The following SPATA9 variants were observed in gnomAD, a reference collection of about 807,000 sequenced individuals.
SPATA9 encodes the protein spermatogenesis associated 9.
SPATA9 carries 27 observed loss-of-function variants against 25.5 expected under a neutral mutation model. The ratio of observed to expected loss-of-function variants is 1.06; its 90% CI spans 0.78 to 1.46. The LOEUF is 1.46. Ranked by LOEUF, SPATA9 falls within the 40% of genes most tolerant of loss-of-function variation. The probability of loss-of-function intolerance (pLI) is 0.00; values close to 1 mark genes in which losing one functional copy is unlikely to be tolerated. For synonymous variants in SPATA9, 102 were observed against 105.7 expected (o/e 0.97, Z 0.21); for missense variants, 282 against 297.5 (o/e 0.95, Z 0.38).
At position 95,696,992 on chromosome 5, in the gene SPATA9, C is replaced by T. The variant is rs186617522; in HGVS notation, n.124+1596G>A. Among the ~76,000 whole-genome samples the T allele has an allele frequency of 3.9e-5, 6 of 152,326 alleles. No individual in the cohort carries two copies. In the East Asian group the frequency reaches 9.6e-4, roughly 24 times the overall value. The stretch of plus-strand genomic sequence containing the variant: ...CTCCACTTTGGCTCATTTACTAATG[C>T]ATAATTTTATAACATCATGCATTGA... On this transcript the variant is annotated intron_variant and non_coding_transcript_variant, in intron 1 of 2. Transcript: ENST00000379990.
At chr5:95,707,379 A>C in the SPATA9 span, among the ~76,000 whole-genome samples, 1 of 152,186 alleles carries the variant, frequency 6.6e-6, no homozygotes, top group African/African-American at 2.4e-5. Context: ...ACTGAGACGA[A>C]TTAAGAGTCC....
At chr5:95,708,702 T>A in the SPATA9 span, 1 of 692,168 alleles carries the variant, frequency 1.4e-6, no homozygotes, top group Admixed American at 2.0e-5. Context: ...TGACACTTTC[T>A]GCTCCTATGA....
chr5:95,704,780 T>G, the SPATA9 span, among the ~76,000 whole-genome samples: 1 of 152,152 alleles, frequency 6.6e-6, no homozygotes, highest in African/African-American at 2.4e-5. Context: ...CACTGACATT[T>G]TTTGAGGATC....
the SPATA9 span, among the ~76,000 whole-genome samples, chr5:95,723,138 G>C: frequency 6.6e-6 from 1 of 151,770 alleles, no homozygotes; most frequent in African/African-American, 2.4e-5. Context: ...GAATTGTCTT[G>C]GGCCACACAT....
chr5:95,690,031 C>T (rs1293144782), intron 1 of SPATA9, among the ~76,000 whole-genome samples: 2 of 151,964 alleles, frequency 1.3e-5, no homozygotes, highest in African/African-American at 2.4e-5. Flanking sequence ...CTGGGGCTTT[C>T]TTGAGGGTGA....
chr5:95,652,895 C>T, downstream of SPATA9: 1 of 557,788 alleles, frequency 1.8e-6, no homozygotes, highest in Non-Finnish European at 3.0e-6. Context: ...AATCCATTCT[C>T]CACAGAGCCG....
chr5:95,719,120 G>A, the SPATA9 span, among the ~76,000 whole-genome samples: 2 of 152,276 alleles, frequency 1.3e-5, no homozygotes, highest in East Asian at 1.9e-4. Context: ...ACATATCTGG[G>A]GTCGAGAGAA....
chr5:95,690,600 C>G (rs962308826), intron 1 of SPATA9, among the ~76,000 whole-genome samples: 1 of 152,126 alleles, frequency 6.6e-6, no homozygotes, highest in Non-Finnish European at 1.5e-5. Context: ...CCATGCTAAT[C>G]TAGTGGTCAA....
At chr5:95,701,382 G>A (rs1446361284), upstream of SPATA9, 2 of 152,028 alleles carry the variant, frequency 1.3e-5, no homozygotes, top group African/African-American at 4.8e-5. Flanking sequence ...CTTTGGTAAG[G>A]AGAAAATAAA....
chr5:95,731,678 A>G, the SPATA9 span: 1 of 1,613,314 alleles, frequency 6.2e-7, no homozygotes. Flanking sequence ...CTTGGATTTG[A>G]GATCATGTAC....
At chr5:95,700,834 T>C (rs145986282), upstream of SPATA9, among the ~76,000 whole-genome samples, 105 of 152,348 alleles carry the variant, frequency 6.9e-4, no homozygotes, top group African/African-American at 1.9e-3. Flanking sequence ...CATGTACTAG[T>C]GTGTGGTATG....
chr5:95,670,134 A>G (rs1167459053), intron 3 of SPATA9, among the ~76,000 whole-genome samples: 2 of 152,088 alleles, frequency 1.3e-5, no homozygotes, highest in Non-Finnish European at 1.5e-5. Flanking sequence ...ATACGCTATG[A>G]CATATTAAGC....
intron 3 of SPATA9, among the ~76,000 whole-genome samples, chr5:95,667,042 T>C (rs920470065): frequency 6.6e-6 from 1 of 152,206 alleles, no homozygotes; most frequent in Non-Finnish European, 1.5e-5. Flanking sequence ...CATTTTATCC[T>C]CTAACAAACC....
At position 95,682,489 on chromosome 5, in the gene SPATA9, T is replaced by G. The variant is rs746322663; in HGVS notation, c.150+39A>C. ...GGTATGATACTAAAAATAGAATATATTTTTTCTATTCCTTTTAAAGGTTAT... is the reference window on the plus strand; with the variant it reads ...GGTATGATACTAAAAATAGAATATAGTTTTTCTATTCCTTTTAAAGGTTAT... On this transcript the variant is annotated intron_variant, in intron 2 of 4. Transcript: ENST00000274432. The G allele has an allele frequency of 8.0e-6, 11 of 1,368,292 alleles. No individual in the cohort carries two copies. In the East Asian group the frequency reaches 2.5e-4, roughly 32 times the overall value. 84.8% of individuals were successfully genotyped at this position (1,368,292 alleles called of 1,614,324 possible).
intron 3 of SPATA9, among the ~76,000 whole-genome samples, chr5:95,671,870 GAAATGTTTTAGGGTACATGTACCCT>G (rs1752411066): frequency 6.6e-6 from 1 of 150,672 alleles, no homozygotes; most frequent in South Asian, 2.1e-4. Context: ...AAAACACCTA[GAAATGTTTTAGGGTACATGTACCCT>G]AAAACTTAAA....
downstream of SPATA9, chr5:95,652,904 C>CG: frequency 1.7e-6 from 1 of 593,774 alleles, no homozygotes; most frequent in African/African-American, 1.9e-5. Flanking sequence ...TCCACAGAGC[C>CG]GGGAGCATTC....
At chr5:95,685,007 A>G (rs1273861427), upstream of SPATA9, among the ~76,000 whole-genome samples, 5 of 152,268 alleles carry the variant, frequency 3.3e-5, no homozygotes, top group Non-Finnish European at 5.9e-5. Flanking sequence ...AATCACATAT[A>G]GACAGTATAA....
At chr5:95,692,368 G>A (rs1580356373) in intron 1 of SPATA9, among the ~76,000 whole-genome samples, 1 of 151,984 alleles carries the variant, frequency 6.6e-6, no homozygotes, top group Non-Finnish European at 1.5e-5. Context: ...TTTCACATGT[G>A]GCAATTTGTA....
intron 3 of SPATA9, chr5:95,670,861 C>G (rs1752308577): frequency 3.0e-6 from 3 of 985,432 alleles, no homozygotes; most frequent in Non-Finnish European, 3.6e-6. Flanking sequence ...TCCTCATAGT[C>G]AGTTCTGTTT....
Sources: allele counts gnomAD v4.1 joint callset (sites outside exome capture counted in the v4.1 genomes callset), GRCh38; gene constraint gnomAD v4.1.1; transcripts MANE v1.5; gene names NCBI Gene and HGNC (gene_info 2026-07-23, HGNC 2026-07-21).